The following ZNF804B variants were observed in gnomAD, a reference collection of about 807,000 sequenced individuals.
ZNF804B encodes zinc finger 804B.
ZNF804B carries 80 observed loss-of-function variants against 101.4 expected under a neutral mutation model. The ratio of observed to expected loss-of-function variants is 0.79; its 90% CI spans 0.66 to 0.95. The LOEUF is 0.95. Among genes scored for constraint, ZNF804B ranks in the 40% least tolerant of loss-of-function variants. ZNF804B has a pLI of 0.00. For synonymous variants in ZNF804B, 622 were observed against 558.8 expected, an observed-to-expected ratio of 1.11 and a Z score of -1.59; for missense variants, 1,673 against 1,561.9, an observed-to-expected ratio of 1.07 and a Z score of -1.20.
intron 1 of ZNF804B, chr7:88,794,815 T>C: frequency 1.2e-6 from 2 of 1,613,824 alleles, no homozygotes; most frequent in South Asian, 2.2e-5. Context: ...AAGGAATTTC[T>C]TTAGGTGTAG....
chr7:89,057,188 A>C (rs1789310272), intron 1 of ZNF804B, among the ~76,000 whole-genome samples: 1 of 152,126 alleles, frequency 6.6e-6, no homozygotes, highest in African/African-American at 2.4e-5. Flanking sequence ...TCAATTCTTA[A>C]ACAGTCTTAT....
intron 2 of ZNF804B, among the ~76,000 whole-genome samples, chr7:89,242,563 T>A (rs1309544489): frequency 1.3e-5 from 2 of 151,820 alleles, no homozygotes; most frequent in Non-Finnish European, 3.0e-5. Flanking sequence ...TTTAACTTGC[T>A]AATGGTTGAT....
At chr7:88,936,412 A>G (rs187697830) in intron 1 of ZNF804B, among the ~76,000 whole-genome samples, 2 of 152,230 alleles carry the variant, frequency 1.3e-5, no homozygotes, top group East Asian at 3.9e-4. Flanking sequence ...ATTAAGATGC[A>G]TATAAACATG....
chr7:88,858,015 G>T (rs1248577859), intron 1 of ZNF804B, among the ~76,000 whole-genome samples: 1 of 151,576 alleles, frequency 6.6e-6, no homozygotes, highest in African/African-American at 2.4e-5. Context: ...TAGAGACAGG[G>T]TTTTGCCATG....
chr7:89,292,986 A>G (rs1254778703), intron 2 of ZNF804B, among the ~76,000 whole-genome samples: 1 of 152,236 alleles, frequency 6.6e-6, no homozygotes, highest in African/African-American at 2.4e-5. Context: ...AGGATATTTC[A>G]TAGTTATAAT....
chr7:88,857,294 A>G (rs1791576237), intron 1 of ZNF804B, among the ~76,000 whole-genome samples: 1 of 152,192 alleles, frequency 6.6e-6, no homozygotes, highest in South Asian at 2.1e-4. Context: ...AGACACAAAA[A>G]AACCCTCCAA....
chr7:89,145,145 G>T (rs115616611), intron 1 of ZNF804B, among the ~76,000 whole-genome samples: 4 of 151,670 alleles, frequency 2.6e-5, no homozygotes, highest in African/African-American at 9.7e-5. Context: ...GAAAATAAAT[G>T]ATATAAACTA....
At chr7:89,201,420 A>G (rs967189382) in intron 1 of ZNF804B, among the ~76,000 whole-genome samples, 10 of 152,068 alleles carry the variant, frequency 6.6e-5, no homozygotes, top group Admixed American at 1.3e-4. Context: ...GGAGACTCCA[A>G]AAGTGTCAGC....
chr7:89,037,735 A>G (rs868255216), intron 1 of ZNF804B, among the ~76,000 whole-genome samples: 4 of 152,072 alleles, frequency 2.6e-5, no homozygotes, highest in Non-Finnish European at 4.4e-5. Context: ...ACCATGCTAT[A>G]TATTAGATCT....
intron 1 of ZNF804B, among the ~76,000 whole-genome samples, chr7:88,846,906 A>T (rs1347920285): frequency 2.1e-5 from 3 of 145,254 alleles, no homozygotes; most frequent in Non-Finnish European, 4.5e-5. Flanking sequence ...ATATGTAATT[A>T]TATACACATA....
chr7:89,236,716 C>A (rs1789287632), intron 2 of ZNF804B, among the ~76,000 whole-genome samples: 1 of 152,118 alleles, frequency 6.6e-6, no homozygotes, highest in Admixed American at 6.5e-5. Context: ...TTTATGAAAT[C>A]ATTCTCTTAG....
rs191520392 is a variant in ZNF804B at position 88,805,847 on chromosome 7, C to A, written c.108+45763C>A. Among the ~76,000 whole-genome samples the A allele has an allele frequency of 3.3e-5, 5 of 152,222 alleles. No individual in the cohort carries two copies. The East Asian group carries it at 9.7e-4, about 29-fold the overall frequency. On this transcript the variant is annotated intron_variant, in intron 1 of 3. Transcript: ENST00000333190. ...AAGTACCTCTTAACTACATATGTGCCACTGTTGGCCTCATGGAAACCATTT... is the reference window on the plus strand; with the variant it reads ...AAGTACCTCTTAACTACATATGTGCAACTGTTGGCCTCATGGAAACCATTT...
At chr7:88,991,345 T>A (rs1299274169) in intron 1 of ZNF804B, among the ~76,000 whole-genome samples, 4 of 152,126 alleles carry the variant, frequency 2.6e-5, no homozygotes, top group African/African-American at 9.7e-5. Context: ...CCCGTCAGGT[T>A]GTGGTTCCTG....
At chr7:88,922,481 GT>G (rs1562832772) in intron 1 of ZNF804B, among the ~76,000 whole-genome samples, 2 of 151,864 alleles carry the variant, frequency 1.3e-5, no homozygotes, top group African/African-American at 4.8e-5. Flanking sequence ...TTTAATGAAA[GT>G]TGTCTCTATA....
Position 89,251,230 on chromosome 7 carries a change from T to A in ZNF804B, c.249+32935T>A, listed in dbSNP as rs1435962117. Among the ~76,000 whole-genome samples, 6 of 152,072 alleles carry A rather than the reference T, an allele frequency of 3.9e-5. No homozygotes were observed. The East Asian group carries it at 1.2e-3, about 29-fold the overall frequency. ...CAAAAAGGTTCTTGGAACACATAAA[T>A]GACAGCAGCAAAGTTTCAGGATACA... On this transcript the variant is annotated intron_variant, in intron 2 of 3. Transcript: ENST00000333190.
Position 89,283,777 on chromosome 7 carries a change from A to G in ZNF804B, c.250-43567A>G, listed in dbSNP as rs191622897. Among the ~76,000 whole-genome samples the G allele has an allele frequency of 5.5e-3, 838 of 152,212 alleles. 5 individuals carry two copies. Among genetic ancestry groups the G allele is most frequent in the Admixed American group, 8.4e-3 (128 of 15,284 alleles). ...CAAATTATCCTATATATACATACAT[A>G]TACAGTTGACCCTAGGTAGCATAGA... On this transcript the variant is annotated intron_variant, in intron 2 of 3. Coordinates refer to ENST00000333190, the MANE Select transcript of ZNF804B (RefSeq NM_181646.5).
intron 1 of ZNF804B, among the ~76,000 whole-genome samples, chr7:88,997,627 C>T (rs1330604881): frequency 6.6e-6 from 1 of 152,044 alleles, no homozygotes; most frequent in African/African-American, 2.4e-5. Flanking sequence ...GTCATTTCTA[C>T]TGGCAGGGGC....
intron 1 of ZNF804B, among the ~76,000 whole-genome samples, chr7:88,839,618 ATAT>A (rs1791267005): frequency 1.3e-5 from 2 of 152,036 alleles, no homozygotes; most frequent in South Asian, 4.2e-4. Context: ...CTTATTTGCA[ATAT>A]TAGATCCTGT....
At chr7:88,835,313 C>T (rs904803601) in intron 1 of ZNF804B, among the ~76,000 whole-genome samples, 5 of 151,728 alleles carry the variant, frequency 3.3e-5, no homozygotes, top group African/African-American at 1.2e-4. Context: ...TCCTGATTGC[C>T]CCCTTGTGTC....
Sources: gnomAD v4.1 joint callset for allele counts (sites outside exome capture counted in the v4.1 genomes callset) on GRCh38, gnomAD v4.1.1 for gene constraint, MANE v1.5 for transcripts, NCBI Gene and HGNC (gene_info 2026-07-23, HGNC 2026-07-21) for gene names.